The following RBFOX1 variants were observed in gnomAD, a reference collection of about 807,000 sequenced individuals.
The protein encoded by RBFOX1 is RNA binding protein fox-1 homolog 1.
Under a neutral mutation model 57.7 loss-of-function variants are expected in RBFOX1, and 8 were observed. That is an observed-to-expected ratio of 0.14 (90% CI 0.08 to 0.25). RBFOX1 has a LOEUF of 0.25. Ranked by LOEUF, RBFOX1 falls within the 10% of genes least tolerant of loss-of-function variation. The probability of loss-of-function intolerance (pLI) is 1.00; values close to 1 mark genes in which losing one functional copy is unlikely to be tolerated. For synonymous variants in RBFOX1, 326 were observed against 222.4 expected, an observed-to-expected ratio of 1.47 and a Z score of -4.15; for missense variants, 611 against 548.5, an observed-to-expected ratio of 1.11 and a Z score of -1.14.
intron 1 of RBFOX1, among the ~76,000 whole-genome samples, chr16:5,466,117 A>C (rs1356588768): frequency 1.3e-5 from 2 of 152,204 alleles, no homozygotes; most frequent in Non-Finnish European, 2.9e-5. Flanking sequence ...TTTAGGTGGG[A>C]AATCGTCTTG....
At chr16:6,223,539 G>T (rs891798003) in intron 1 of RBFOX1, among the ~76,000 whole-genome samples, 1 of 152,132 alleles carries the variant, frequency 6.6e-6, no homozygotes, top group African/African-American at 2.4e-5. Context: ...CCCAGTTTTT[G>T]TTGGGGTTGT....
intron 4 of RBFOX1, among the ~76,000 whole-genome samples, chr16:5,870,416 G>C (rs1396652765): frequency 6.9e-6 from 1 of 145,770 alleles, no homozygotes; most frequent in Non-Finnish European, 1.5e-5. Context: ...CAAGAAAAAA[G>C]AGAGAAAACA....
At chr16:7,103,787 A>G (rs1182261936) in intron 4 of RBFOX1, among the ~76,000 whole-genome samples, 1 of 152,156 alleles carries the variant, frequency 6.6e-6, no homozygotes, top group Non-Finnish European at 1.5e-5. Flanking sequence ...GTACCCAGCA[A>G]TATGTCAGAA....
At chr16:6,946,148 C>G (rs777457628) in intron 3 of RBFOX1, among the ~76,000 whole-genome samples, 2 of 152,166 alleles carry the variant, frequency 1.3e-5, no homozygotes, top group Non-Finnish European at 2.9e-5. Context: ...AGTGGGATAA[C>G]TCATGATTAG....
At chr16:5,888,504 T>C (rs566372452) in intron 4 of RBFOX1, among the ~76,000 whole-genome samples, 8 of 152,000 alleles carry the variant, frequency 5.3e-5, no homozygotes, top group African/African-American at 1.9e-4. Context: ...TTAAAAAAAA[T>C]AGTTGTTGAG....
At chr16:6,556,055 G>A (rs2097093932) in intron 2 of RBFOX1, among the ~76,000 whole-genome samples, 1 of 152,154 alleles carries the variant, frequency 6.6e-6, no homozygotes, top group Non-Finnish European at 1.5e-5. Flanking sequence ...TTTGAGACTA[G>A]TGAAACTCCC....
intron 1 of RBFOX1, among the ~76,000 whole-genome samples, chr16:5,435,456 G>C (rs1480535104): frequency 6.6e-6 from 1 of 152,112 alleles, no homozygotes; most frequent in African/African-American, 2.4e-5. Flanking sequence ...CATGAGTAGG[G>C]CTATCCTGAA....
intron 2 of RBFOX1, among the ~76,000 whole-genome samples, chr16:5,524,509 C>A (rs556665778): frequency 1.3e-5 from 2 of 150,666 alleles, no homozygotes; most frequent in Admixed American, 6.6e-5. Context: ...CCCAGTAGTA[C>A]CCAGTAGTGG....
intron 2 of RBFOX1, among the ~76,000 whole-genome samples, chr16:6,631,599 A>C (rs1332041693): frequency 6.6e-6 from 1 of 152,184 alleles, no homozygotes; most frequent in Non-Finnish European, 1.5e-5. Context: ...CATGGAGCTA[A>C]GAAGCTAGTT....
intron 4 of RBFOX1, among the ~76,000 whole-genome samples, chr16:7,346,824 C>G (rs1210244069): frequency 6.6e-6 from 1 of 152,032 alleles, no homozygotes; most frequent in Non-Finnish European, 1.5e-5. Context: ...CTCAAGAAAC[C>G]AAAGATGATT....
At chr16:6,957,858 G>A (rs9940637) in intron 3 of RBFOX1, among the ~76,000 whole-genome samples, 3,644 of 152,176 alleles carry the variant, frequency 0.024, 141 homozygotes, top group African/African-American at 0.082. Flanking sequence ...TCCTCCTAGC[G>A]TGACAGTTGC....
chr16:6,940,310 C>G (rs1280542479), intron 3 of RBFOX1, among the ~76,000 whole-genome samples: 1 of 152,206 alleles, frequency 6.6e-6, no homozygotes, highest in African/African-American at 2.4e-5. Flanking sequence ...GTGAGTTGCT[C>G]TGACCAAGCT....
At chr16:5,970,110 C>T (rs911717433) in intron 4 of RBFOX1, among the ~76,000 whole-genome samples, 1 of 152,124 alleles carries the variant, frequency 6.6e-6, no homozygotes, top group Non-Finnish European at 1.5e-5. Context: ...GTTGAGTCTG[C>T]CGCATGACCT....
chr16:6,538,724 C>T (rs370199994), intron 2 of RBFOX1, among the ~76,000 whole-genome samples: 19 of 152,250 alleles, frequency 1.2e-4, no homozygotes, highest in Admixed American at 4.6e-4. Flanking sequence ...TAACTTTTGA[C>T]GACTGAATGT....
chr16:6,565,633 A>AT (rs1391876790), intron 2 of RBFOX1, among the ~76,000 whole-genome samples: 2 of 148,304 alleles, frequency 1.3e-5, no homozygotes, highest in African/African-American at 5.0e-5. Context: ...ACGCCTGGCT[A>AT]TTTTTTTGTA....
At chr16:5,493,467 A>G (rs907555780) in intron 2 of RBFOX1, among the ~76,000 whole-genome samples, 4 of 152,246 alleles carry the variant, frequency 2.6e-5, no homozygotes, top group Non-Finnish European at 5.9e-5. Context: ...GGAAATAGAA[A>G]GAATTGACTT....
intron 2 of RBFOX1, among the ~76,000 whole-genome samples, chr16:5,513,264 C>T (rs774796252): frequency 6.6e-6 from 1 of 151,998 alleles, no homozygotes; most frequent in Non-Finnish European, 1.5e-5. Flanking sequence ...GTATCTTGGT[C>T]AGGTATGTTG....
chr16:6,220,180 C>G (rs2097363121), intron 1 of RBFOX1, among the ~76,000 whole-genome samples: 1 of 152,070 alleles, frequency 6.6e-6, no homozygotes, highest in Non-Finnish European at 1.5e-5. Context: ...ATATACATCT[C>G]TGTGTGTCTG....
intron 2 of RBFOX1, among the ~76,000 whole-genome samples, chr16:6,497,658 G>A (rs1478009534): frequency 1.3e-5 from 2 of 151,934 alleles, no homozygotes; most frequent in African/African-American, 4.8e-5. Context: ...CCAGGTTCAA[G>A]TGATTGTCCT....
Sources: gnomAD v4.1 joint callset for allele counts (sites outside exome capture counted in the v4.1 genomes callset) on GRCh38, gnomAD v4.1.1 for gene constraint, MANE v1.5 for transcripts, NCBI Gene and HGNC (gene_info 2026-07-23, HGNC 2026-07-21) for gene names.